Variants in DENND2A observed in about 807,000 individuals in gnomAD.
DENND2A encodes DENN domain-containing protein 2A.
Under a neutral mutation model 105.3 loss-of-function variants are expected in DENND2A, and 53 were observed. The ratio of observed to expected loss-of-function variants is 0.50; its 90% CI spans 0.40 to 0.63. DENND2A has a LOEUF of 0.63. Ranked by LOEUF, DENND2A falls within the 30% of genes least tolerant of loss-of-function variation. The probability of loss-of-function intolerance (pLI) is 0.00; values close to 1 mark genes in which losing one functional copy is unlikely to be tolerated. For missense variants in DENND2A, 1,138 were observed against 1,279.6 expected (o/e 0.89, Z 1.69); for synonymous variants, 522 against 508.4 (o/e 1.03, Z -0.36).
At chr7:140,573,557 C>T (rs80095915) in intron 6 of DENND2A, among the ~76,000 whole-genome samples, 5,533 of 152,146 alleles carry the variant, frequency 0.036, 345 homozygotes, top group African/African-American at 0.12. Flanking sequence ...GCATTAAAAC[C>T]TTGTCTGGGA....
Position 140,601,582 on chromosome 7 carries a change from C to A in DENND2A, c.816G>T (p.Thr272=), listed in dbSNP as rs61737089. The A allele has an allele frequency of 5.1e-4, 829 of 1,614,048 alleles. 3 individuals carry two copies. In the African/African-American group the frequency reaches 9.6e-3, roughly 19 times the overall value. ...FINPLPKPRR[T]FKHAGEGDKD... ...TGTCCCCTTCTCCGGCATGTTTGAA[C>A]GTTCTCCGGGGTTTTGGCAGAGGGT... Residue 272 remains threonine, a synonymous_variant, in exon 3 of 20, where the codon ACG becomes ACT. Coordinates refer to ENST00000496613, the MANE Select transcript of DENND2A (RefSeq NM_015689.5).
chr7:140,531,038 T>C (rs143311820), intron 14 of DENND2A, among the ~76,000 whole-genome samples: 197 of 152,156 alleles, frequency 1.3e-3, no homozygotes, highest in African/African-American at 4.4e-3. Context: ...GGCCGACTTC[T>C]ATGACTTTCG....
In DENND2A at chr7:140,585,678, T is replaced by C. The variant is rs752648671; in HGVS notation, c.1156A>G (p.Ile386Val). 4 of 1,614,218 alleles carry C rather than the reference T, an allele frequency of 2.5e-6. No homozygotes were observed. The highest frequency in any genetic ancestry group is 2.2e-5 in the East Asian group (1 of 44,884). Reference protein sequence around the residue: ...PPMKENPYEDIELHGRCLGKK... With the variant: ...PPMKENPYEDVELHGRCLGKK... ...CCCAGGCAGCGACCATGTAACTCGA[T>C]GTCCTCATAAGGGTTCTCCTTCATT... is the stretch of plus-strand genomic sequence containing the variant. The change falls in exon 5 of 20, where the codon ATC becomes GTC. Residue 386 changes from isoleucine (I) to valine (V), a missense_variant. Physicochemically the swap from Ile to Val is conservative, Grantham distance 29 (BLOSUM62 3). Transcript: ENST00000496613.
At chr7:140,639,348 T>C (rs561734024) in intron 1 of DENND2A, among the ~76,000 whole-genome samples, 3 of 150,444 alleles carry the variant, frequency 2.0e-5, no homozygotes, top group African/African-American at 7.3e-5. Context: ...CAAGACTCTG[T>C]CTCAAAAAAA....
chr7:140,602,810 C>T (rs10264061), intron 2 of DENND2A, among the ~76,000 whole-genome samples: 11,686 of 151,416 alleles, frequency 0.077, 1,127 homozygotes, highest in African/African-American at 0.23. Context: ...CCCATCTCTA[C>T]AAAAATTTTT....
chr7:140,541,716 A>G, intron 14 of DENND2A, among the ~76,000 whole-genome samples: 1 of 152,206 alleles, frequency 6.6e-6, no homozygotes, highest in East Asian at 1.9e-4. Flanking sequence ...GCCCAGCACC[A>G]GCTGCAAGGC....
Position 140,601,762 on chromosome 7 carries a change from T to G in DENND2A, c.636A>C (p.Glu212Asp), listed in dbSNP as rs753697413. The change falls in exon 3 of 20, where the codon GAA becomes GAC. Residue 212 changes from glutamate (E) to aspartate (D), a missense_variant. This residue lies in a region of DENND2A where 511 missense variants were observed against 499.9 expected (regional missense o/e 1.02). Transcript: ENST00000496613. ...CCGAGGGGTGGACCCTCTGGCTGAC[T>G]TCTGAGCCACTCCCGCCTCCCAGGT... ...PENLGGGSGSEVSQRVHPSDL... is the reference protein window; with the variant it reads ...PENLGGGSGSDVSQRVHPSDL... 1.2e-6 allele frequency: 2 copies of G among 1,614,012 alleles called. No homozygotes were observed. Among genetic ancestry groups the G allele is most frequent in the South Asian group, 2.2e-5 (2 of 91,072 alleles).
chr7:140,610,260 T>C (rs901932547), intron 1 of DENND2A, among the ~76,000 whole-genome samples: 3 of 149,208 alleles, frequency 2.0e-5, no homozygotes, highest in South Asian at 4.2e-4. Context: ...CATGAGCCAC[T>C]GTGCCCAGCC....
At chr7:140,556,169 C>A (rs904267330) in intron 11 of DENND2A, among the ~76,000 whole-genome samples, 7 of 151,934 alleles carry the variant, frequency 4.6e-5, no homozygotes, top group African/African-American at 1.7e-4. Context: ...AGGCTCACAC[C>A]ACCACGCCCC....
At chr7:140,537,535 G>A (rs1269566906) in intron 14 of DENND2A, among the ~76,000 whole-genome samples, 1 of 152,174 alleles carries the variant, frequency 6.6e-6, no homozygotes, top group Non-Finnish European at 1.5e-5. Context: ...TCAAACTCCT[G>A]GGCTCACGTG....
At position 140,521,924 on chromosome 7, in the gene DENND2A, C is replaced by G; in HGVS notation, c.2842G>C (p.Val948Leu). 6.2e-7 allele frequency: 1 copy of G among 1,614,210 alleles called. No individual in the cohort carries two copies. Among genetic ancestry groups the G allele is most frequent in the Non-Finnish European group, 8.5e-7 (1 of 1,180,036 alleles). Reference protein sequence around the residue: ...SSKSLRHFLEVFMETQMFRGF... With the variant: ...SSKSLRHFLELFMETQMFRGF... ...CGAAACATCTGAGTCTCCATGAAGACCTCCAGGAAGTGGCGGAGGCTCTTG... is the reference window on the plus strand; with the variant it reads ...CGAAACATCTGAGTCTCCATGAAGAGCTCCAGGAAGTGGCGGAGGCTCTTG... Residue 948 changes from valine (V) to leucine (L), a missense_variant, in exon 18 of 20, where the codon GTC (valine) becomes CTC (leucine). Val to Leu is a conservative substitution (Grantham distance 32). Coordinates refer to ENST00000496613, the MANE Select transcript of DENND2A (RefSeq NM_015689.5).
rs768331575 is a variant in DENND2A at position 140,559,614 on chromosome 7, G to A, written c.1889+94C>T. On this transcript the variant is annotated intron_variant, in intron 10 of 19. Transcript: ENST00000496613. This position sits in a 1 kb window ranked among gnomAD's most constrained non-coding sequence, Gnocchi z 4.1. ...GCCAGGCCCATCAGGATTACTTAAC[G>A]GTGGGAATGACTCATGTGGTCTGCC... The A allele has an allele frequency of 3.4e-6, 3 of 874,566 alleles. No individual in the cohort carries two copies. The highest frequency in any genetic ancestry group is 5.6e-6 in the Non-Finnish European group (3 of 540,112). The allele number at this position is 874,566 out of a possible 1,614,324, so 54.2% of individuals were successfully genotyped here. A position where few individuals can be genotyped will look rare whatever the true frequency, so the allele number is the denominator to read the frequency against.
Position 140,602,344 on chromosome 7 carries a change from G to C in DENND2A, c.54C>G (p.Ser18Arg), listed in dbSNP as rs200642129. ...MIISDPAAEA[S>R]RAGKKQLRGV... is the part of the protein sequence containing the mutation. The stretch of plus-strand genomic sequence containing the variant: ...CTCTGAGCTGCTTCTTCCCAGCCCT[G>C]CTGGCTTCTGCAGCTGGGTCACTGA... The change falls in exon 3 of 20, where the codon AGC becomes AGG. Residue 18 changes from serine (S) to arginine (R), a missense_variant. This residue lies in a region of DENND2A where 511 missense variants were observed against 499.9 expected (regional missense o/e 1.02). Coordinates refer to ENST00000496613, the MANE Select transcript of DENND2A (RefSeq NM_015689.5). 1.7e-3 allele frequency: 2,693 copies of C among 1,595,322 alleles called. 67 individuals are homozygous for C. The South Asian group carries it at 0.028, about 17-fold the overall frequency.
In DENND2A at chr7:140,626,159, C is replaced by A. The variant is rs185649071; in HGVS notation, c.-248+14345G>T. Among the ~76,000 whole-genome samples, 201 of 152,318 alleles carry A rather than the reference C, an allele frequency of 1.3e-3. 1 individual carries two copies. Among genetic ancestry groups the A allele is most frequent in the African/African-American group, 4.7e-3 (196 of 41,564 alleles). ...GTCCACCTTGACGGCACCGTACGGG[C>A]CTTCCACTCCTCAATCCAGATTAGG... is the stretch of plus-strand genomic sequence containing the variant. On this transcript the variant is annotated intron_variant, in intron 1 of 19. Coordinates refer to ENST00000496613, the MANE Select transcript of DENND2A (RefSeq NM_015689.5).
chr7:140,576,541 T>C (rs1585672278), intron 5 of DENND2A, among the ~76,000 whole-genome samples: 1 of 152,222 alleles, frequency 6.6e-6, no homozygotes, highest in East Asian at 1.9e-4. Flanking sequence ...TATCCTATCT[T>C]AAACTCTCAC....
At chr7:140,605,137 C>T (rs1035166133) in intron 2 of DENND2A, among the ~76,000 whole-genome samples, 4 of 152,158 alleles carry the variant, frequency 2.6e-5, no homozygotes, top group Non-Finnish European at 4.4e-5. Flanking sequence ...CTACGAGTCC[C>T]CAAGGACAGA....
intron 5 of DENND2A, 68 bp from the exon 6 acceptor site, chr7:140,574,076 G>A: frequency 1.3e-6 from 2 of 1,562,004 alleles, no homozygotes; most frequent in South Asian, 1.1e-5. Context: ...ATAACTGGTG[G>A]TGCCAGGGAC....
chr7:140,608,969 G>C (rs145236837), intron 1 of DENND2A, among the ~76,000 whole-genome samples: 1 of 152,070 alleles, frequency 6.6e-6, no homozygotes, highest in African/African-American at 2.4e-5. Flanking sequence ...ATCAAAGGTC[G>C]CAGAGGCCAA....
chr7:140,554,063 T>C (rs1797259273), intron 12 of DENND2A, among the ~76,000 whole-genome samples: 1 of 151,684 alleles, frequency 6.6e-6, no homozygotes, highest in Non-Finnish European at 1.5e-5. Context: ...CCGTCTCTAC[T>C]AAAAATACAA....
Sources: allele counts gnomAD v4.1 joint callset (sites outside exome capture counted in the v4.1 genomes callset), GRCh38; gene constraint gnomAD v4.1.1; regional missense constraint gnomAD v4.1.1; non-coding constraint Gnocchi (gnomAD v3.1); transcripts MANE v1.5; gene names NCBI Gene and HGNC (gene_info 2026-07-23, HGNC 2026-07-21).